The following NLRP5 variants were observed in gnomAD, a reference collection of about 807,000 sequenced individuals.
NLRP5 encodes the protein NACHT, LRR and PYD domains-containing protein 5.
NLRP5 carries 93 observed loss-of-function variants against 113.1 expected under a neutral mutation model. That is an observed-to-expected ratio of 0.82 (90% confidence interval 0.70 to 0.98). The LOEUF is 0.98. Among genes scored for constraint, NLRP5 ranks in the 50% least tolerant of loss-of-function variants. NLRP5 has a pLI of 0.00. For missense variants in NLRP5, 1,808 were observed against 1,514.3 expected, an observed-to-expected ratio of 1.19 and a Z score of -3.22; for synonymous variants, 751 against 600.7, an observed-to-expected ratio of 1.25 and a Z score of -3.66.
chr19:55,988,509 G>A, the NLRP5 span: 1 of 145,354 alleles, frequency 6.9e-6, no homozygotes, highest in Non-Finnish European at 1.5e-5. Context: ...AGTCACCTAA[G>A]ACAGGATATA....
chr19:56,031,173 C>T (rs1983098268), intron 7 of NLRP5, among the ~76,000 whole-genome samples: 1 of 152,064 alleles, frequency 6.6e-6, no homozygotes, highest in Non-Finnish European at 1.5e-5. Flanking sequence ...GTGTACGATA[C>T]AATATTAACT....
intron 6 of NLRP5, among the ~76,000 whole-genome samples, chr19:56,021,029 G>A (rs1235199362): frequency 1.1e-4 from 16 of 151,986 alleles, no homozygotes. Flanking sequence ...CTGCCACCAT[G>A]CCCGACTAAT....
chr19:56,015,936 C>T (rs1982387405), intron 4 of NLRP5, 138 bp downstream of exon 4: 1 of 569,812 alleles, frequency 1.8e-6, no homozygotes, highest in Non-Finnish European at 3.1e-6. Flanking sequence ...AGTCCCTCTT[C>T]CCTAAGAGAT....
chr19:56,023,717 T>A (rs1213729515), intron 6 of NLRP5, among the ~76,000 whole-genome samples: 1 of 152,182 alleles, frequency 6.6e-6, no homozygotes, highest in African/African-American at 2.4e-5. Flanking sequence ...TTATATGCAG[T>A]TATACCATTT....
intron 6 of NLRP5, 56 bp from the exon 7 acceptor site, chr19:56,026,857 C>T (rs928642368): frequency 3.8e-5 from 57 of 1,502,096 alleles, no homozygotes; most frequent in African/African-American, 2.4e-4. Context: ...ATGACAGGTG[C>T]GAGCCACTGT....
upstream of NLRP5, among the ~76,000 whole-genome samples, chr19:55,999,212 C>CTTTTTTTTT (rs906346601): frequency 5.7e-4 from 64 of 111,710 alleles, no homozygotes; most frequent in African/African-American, 7.3e-4. Context: ...TTTTCTTTTT[C>CTTTTTTTTT]TTTTTTTTTT....
In NLRP5 at chr19:56,028,235, TG is replaced by T. The variant is rs1982955590; in HGVS notation, c.2005del (p.Val669SerfsTer36). 3 of 1,613,832 alleles carry T rather than the reference TG, an allele frequency of 1.9e-6. No homozygotes were observed. Among genetic ancestry groups the T allele is most frequent in the African/African-American group, 1.3e-5 (1 of 74,930 alleles). Reference sequence around the variant, plus strand: ...GGGGGTGAAGCAGAAGCTTCTGCACTGGGTCTCTCTGTTGGGTCAGCAGCCT... The same window carrying T: ...GGGGGTGAAGCAGAAGCTTCTGCACTGGTCTCTCTGTTGGGTCAGCAGCCT... On this transcript the variant is annotated frameshift_variant, in exon 7 of 15. Transcript: ENST00000390649. LOFTEE classifies it high-confidence loss of function.
chr19:56,036,105 C>T (rs1379438558), intron 9 of NLRP5, among the ~76,000 whole-genome samples: 2 of 124,460 alleles, frequency 1.6e-5, no homozygotes, highest in African/African-American at 3.2e-5. Context: ...GCTCTGTTGC[C>T]CAGGCTGGAG....
chr19:56,055,809 T>C (rs990015747), intron 13 of NLRP5, among the ~76,000 whole-genome samples: 5 of 152,098 alleles, frequency 3.3e-5, no homozygotes, highest in South Asian at 2.1e-4. Context: ...CCTCCCAAAG[T>C]GCTGGGATTA....
intron 5 of NLRP5, 39 bp from the exon 6 acceptor site, chr19:56,020,336 A>G (rs1413748294): frequency 6.2e-7 from 1 of 1,611,822 alleles, no homozygotes; most frequent in South Asian, 1.1e-5. Context: ...TCTGACTCGA[A>G]TAATAAACAC....
chr19:56,054,174 AG>A (rs556489467), intron 13 of NLRP5, among the ~76,000 whole-genome samples: 2 of 152,300 alleles, frequency 1.3e-5, no homozygotes, highest in South Asian at 4.1e-4. Context: ...TGATTACCTG[AG>A]TGGTCCTTAA....
chr19:56,061,720 C>T lies in NLRP5; in HGVS notation c.*192C>T. ...GGTTACTGGATTTGAAGGCTAGAGACCTTCAAGTCATAGGACTCAGTATCT... is the reference window on the plus strand; with the variant it reads ...GGTTACTGGATTTGAAGGCTAGAGATCTTCAAGTCATAGGACTCAGTATCT... On this transcript the variant is annotated 3_prime_UTR_variant, in exon 15 of 15. Coordinates refer to ENST00000390649, the MANE Select transcript of NLRP5 (RefSeq NM_153447.4). 1 of 611,684 alleles carries T rather than the reference C, an allele frequency of 1.6e-6. No homozygotes were observed. Among genetic ancestry groups the T allele is most frequent in the Non-Finnish European group, 2.9e-6 (1 of 349,514 alleles). The allele number at this position is 611,684 out of a possible 1,614,324, so 37.9% of individuals were successfully genotyped here.
Position 56,026,899 on chromosome 19 carries a change from CT to C in NLRP5, c.680-13del. ...TCTGTTTCCTGATTTTCATTCTACC[CT>C]CTCTGACTCCAGGACATGGAGGTGA... On this transcript the variant is annotated splice_polypyrimidine_tract_variant and intron_variant, in intron 6 of 14. Transcript: ENST00000390649. 1 of 1,546,128 alleles carries C rather than the reference CT, an allele frequency of 6.5e-7. No individual in the cohort carries two copies. The highest frequency in any genetic ancestry group is 1.2e-5 in the South Asian group (1 of 83,392).
At chr19:56,046,819 A>G (rs927940792) in intron 11 of NLRP5, among the ~76,000 whole-genome samples, 3 of 152,230 alleles carry the variant, frequency 2.0e-5, no homozygotes, top group Non-Finnish European at 4.4e-5. Flanking sequence ...GGCGTGAGCC[A>G]TCGCGCCCAG....
intron 2 of NLRP5, among the ~76,000 whole-genome samples, chr19:56,007,361 T>G (rs1365830412): frequency 2.0e-5 from 3 of 148,998 alleles, no homozygotes; most frequent in Admixed American, 1.3e-4. Flanking sequence ...GAGACTGTCT[T>G]TTTTTTTTTT....
At chr19:56,031,163 G>T (rs1983097772) in intron 7 of NLRP5, among the ~76,000 whole-genome samples, 1 of 152,068 alleles carries the variant, frequency 6.6e-6, no homozygotes, top group Non-Finnish European at 1.5e-5. Context: ...CAATTTTTAG[G>T]TGTACGATAC....
intron 10 of NLRP5, among the ~76,000 whole-genome samples, chr19:56,039,865 G>C (rs1983454769): frequency 6.6e-6 from 1 of 152,116 alleles, no homozygotes; most frequent in Admixed American, 6.5e-5. Context: ...GGTGAGCCAA[G>C]GTCACGCCAT....
At chr19:55,997,636 A>C (rs890034469), upstream of NLRP5, among the ~76,000 whole-genome samples, 5 of 152,192 alleles carry the variant, frequency 3.3e-5, no homozygotes, top group African/African-American at 1.2e-4. Flanking sequence ...GTTAGAGACC[A>C]GCCTAGCCAA....
chr19:56,046,998 T>C (rs989974564), intron 11 of NLRP5, among the ~76,000 whole-genome samples: 5 of 152,212 alleles, frequency 3.3e-5, no homozygotes, highest in Non-Finnish European at 7.3e-5. Flanking sequence ...TCTAGGAATT[T>C]ATCCATGTCT....
Sources: allele counts gnomAD v4.1 joint callset (sites outside exome capture counted in the v4.1 genomes callset), GRCh38; gene constraint gnomAD v4.1.1; transcripts MANE v1.5; gene names NCBI Gene and HGNC (gene_info 2026-07-23, HGNC 2026-07-21).